SLC26A3: variants seen among roughly 807,000 people sequenced by gnomAD.
The protein encoded by SLC26A3 is solute carrier family 26 member 3.
SLC26A3 carries 64 observed loss-of-function variants against 85.6 expected under a neutral mutation model. The observed-to-expected ratio is 0.75, with a 90% CI of 0.61 to 0.92. SLC26A3 has a LOEUF of 0.92. SLC26A3 is among the 40% of genes least tolerant of loss of function. The pLI, the probability that SLC26A3 is intolerant of heterozygous loss-of-function variation, is 0.00. For missense variants in SLC26A3, 922 were observed against 927.3 expected, an observed-to-expected ratio of 0.99 and a Z score of 0.07; for synonymous variants, 349 against 336.0, an observed-to-expected ratio of 1.04 and a Z score of -0.42.
intron 7 of SLC26A3, 51 bp from the exon 8 acceptor site, chr7:107,786,960 T>C (rs1477093757): frequency 2.0e-6 from 3 of 1,474,318 alleles, no homozygotes; most frequent in South Asian, 2.3e-5. Flanking sequence ...CAAGTAAGAG[T>C]CTTGCTTTGA....
intron 1 of SLC26A3, among the ~76,000 whole-genome samples, chr7:107,798,169 C>G (rs1407725905): frequency 1.3e-5 from 2 of 151,698 alleles, no homozygotes; most frequent in Non-Finnish European, 2.9e-5. Flanking sequence ...CATAGACACA[C>G]ACATGAAGAC....
chr7:107,789,119 C>CTTT (rs72134999), intron 6 of SLC26A3, among the ~76,000 whole-genome samples: 263 of 128,244 alleles, frequency 2.1e-3, no homozygotes, highest in African/African-American at 7.5e-3. Flanking sequence ...TTTTCTTTTT[C>CTTT]TTTTTTTTTT....
chr7:107,789,177 C>T (rs1222972891), intron 6 of SLC26A3, among the ~76,000 whole-genome samples: 2 of 146,354 alleles, frequency 1.4e-5, no homozygotes, highest in African/African-American at 5.1e-5. Context: ...AGTGCAGTGG[C>T]GTGATCTCAA....
intron 1 of SLC26A3, among the ~76,000 whole-genome samples, chr7:107,796,479 T>C (rs974321682): frequency 6.6e-6 from 1 of 152,166 alleles, no homozygotes; most frequent in Non-Finnish European, 1.5e-5. Context: ...TTTTCTCTTT[T>C]GTTTCCATTC....
At chr7:107,778,327 A>C (rs567875596) in intron 12 of SLC26A3, 46 bp from the exon 13 acceptor site, 1 of 1,218,072 alleles carries the variant, frequency 8.2e-7, no homozygotes, top group Admixed American at 1.8e-5. Flanking sequence ...CTTTGATTAA[A>C]GTACAATGTC....
At chr7:107,774,899 G>A (rs762767321) in intron 15 of SLC26A3, 27 bp from the exon 16 acceptor site, 1 of 1,532,352 alleles carries the variant, frequency 6.5e-7, no homozygotes, top group Non-Finnish European at 9.0e-7. Flanking sequence ...TGTGTTACAA[G>A]AGTACTGAAT....
chr7:107,780,114 G>A (rs1053581299), intron 11 of SLC26A3, among the ~76,000 whole-genome samples: 2 of 151,718 alleles, frequency 1.3e-5, no homozygotes, highest in Admixed American at 1.3e-4. Flanking sequence ...AGCAGAGACA[G>A]TCTAATGTGT....
intron 11 of SLC26A3, among the ~76,000 whole-genome samples, chr7:107,779,973 G>C (rs1425060160): frequency 2.0e-5 from 3 of 152,036 alleles, no homozygotes; most frequent in Admixed American, 1.3e-4. Flanking sequence ...CCACAACAGT[G>C]ACAAGGCCTA....
chr7:107,801,963 G>T (rs922826622), intron 1 of SLC26A3, among the ~76,000 whole-genome samples: 1 of 151,032 alleles, frequency 6.6e-6, no homozygotes, highest in South Asian at 2.1e-4. Context: ...ACAGTGGAGC[G>T]TGCCTGTAGT....
In SLC26A3 at chr7:107,794,479, C is replaced by T; in HGVS notation, c.31G>A (p.Val11Met). The T allele has an allele frequency of 1.2e-6, 2 of 1,614,062 alleles. No individual in the cohort carries two copies. The highest frequency in any genetic ancestry group is 1.1e-5 in the South Asian group (1 of 91,078). ...TTTGTAGAATACACTGGCCTGGCCA[C>T]AATATACTGATTCCCAAAGGGTTCA... MIEPFGNQYI[V>M]ARPVYSTNAF... Residue 11 changes from valine to methionine, a missense_variant, in exon 2 of 21, where the codon GTG (valine) becomes ATG (methionine). By Grantham distance (21) the Val-to-Met change is conservative (BLOSUM62 1). Coordinates refer to ENST00000340010, the MANE Select transcript of SLC26A3 (RefSeq NM_000111.3).
At position 107,794,401 on chromosome 7, in the gene SLC26A3, C is replaced by T. The variant is rs768883226; in HGVS notation, c.109G>A (p.Asp37Asn). The part of the protein sequence containing the change: ...KTGRHHKTFL[D>N]HLKVCCSCSP... ...TACCTACAACACACTTTGAGATGATCCAGAAATGTCTTATGATGTCTTCCT... is the reference window on the plus strand; with the variant it reads ...TACCTACAACACACTTTGAGATGATTCAGAAATGTCTTATGATGTCTTCCT... The change falls in exon 2 of 21, where the codon GAT becomes AAT. Residue 37 changes from aspartate (D) to asparagine (N), a missense_variant. Asp to Asn is a conservative substitution (Grantham distance 23). Coordinates refer to ENST00000340010, the MANE Select transcript of SLC26A3 (RefSeq NM_000111.3). 3 of 1,613,906 alleles carry T rather than the reference C, an allele frequency of 1.9e-6. No homozygotes were observed. Among genetic ancestry groups the T allele is most frequent in the African/African-American group, 2.7e-5 (2 of 74,922 alleles).
chr7:107,786,618 A>G (rs1168079076), intron 8 of SLC26A3, among the ~76,000 whole-genome samples: 1 of 151,340 alleles, frequency 6.6e-6, no homozygotes, highest in Non-Finnish European at 1.5e-5. Context: ...GAGGCGAAAA[A>G]AAAAAAAAAA....
rs386833468 is a variant in SLC26A3, at chr7:107,793,835, T to TG, written c.177dup (p.Ile60HisfsTer11). The TG allele has an allele frequency of 1.2e-5, 19 of 1,614,122 alleles. No homozygotes were observed. The highest frequency in any genetic ancestry group is 1.6e-5 in the Non-Finnish European group (19 of 1,179,986). On this transcript the variant is annotated frameshift_variant, in exon 3 of 21. Transcript: ENST00000340010. LOFTEE classifies it high-confidence loss of function. ...CGGTATGCTGGCAACCAAGATGCTATGGGGAACAAAGAGAGGACAATTCTC... is the reference window on the plus strand; with the variant it reads ...CGGTATGCTGGCAACCAAGATGCTATGGGGGAACAAAGAGAGGACAATTCTC...
intron 1 of SLC26A3, among the ~76,000 whole-genome samples, chr7:107,797,232 G>T (rs570484763): frequency 6.6e-6 from 1 of 152,146 alleles, no homozygotes; most frequent in Admixed American, 6.5e-5. Context: ...GGTGGCTTAC[G>T]CCTGTAATCC....
chr7:107,767,581 C>A lies in SLC26A3; in HGVS notation c.2269G>T (p.Glu757Ter), dbSNP rs1438356683. The change falls in exon 20 of 21, where the codon GAG (glutamate) becomes TAG (stop). Residue 757 changes from glutamate to a stop codon, truncating the protein, a stop_gained and splice_region_variant. Transcript: ENST00000340010. LOFTEE classifies it high-confidence loss of function. ...TNGGLRNRVYEVPVETKF is the reference protein window; with the variant it reads ...TNGGLRNRVY Reference sequence around the variant, plus strand: ...ATAAACCTGTTGAAGAATCTTACCTCATATACCCGATTACGTAATCCTCCA... The same window carrying A: ...ATAAACCTGTTGAAGAATCTTACCTAATATACCCGATTACGTAATCCTCCA... The A allele has an allele frequency of 6.2e-7, 1 of 1,604,602 alleles. No individual in the cohort carries two copies. The highest frequency in any genetic ancestry group is 8.5e-7 in the Non-Finnish European group (1 of 1,172,108).
chr7:107,790,248 C>T (rs1444832188), intron 5 of SLC26A3, among the ~76,000 whole-genome samples: 3 of 152,112 alleles, frequency 2.0e-5, no homozygotes, highest in South Asian at 2.1e-4. Context: ...TCGAGTGAAT[C>T]GGATGGATTC....
At chr7:107,801,343 C>A (rs918432617) in intron 1 of SLC26A3, among the ~76,000 whole-genome samples, 1 of 147,986 alleles carries the variant, frequency 6.8e-6, no homozygotes, top group African/African-American at 2.6e-5. Flanking sequence ...AGGTGAGGCA[C>A]CATCAGGGTC....
chr7:107,765,565 C>A lies in SLC26A3; in HGVS notation c.*290G>T. ...GCGCCACTATACTGCTAAACCTATG[C>A]ATGAAGGTAGTGACTAGGATGGAAA... On this transcript the variant is annotated 3_prime_UTR_variant, in exon 21 of 21. Transcript: ENST00000340010. 2.7e-6 allele frequency: 1 copy of A among 368,788 alleles called. No homozygotes were observed. Among genetic ancestry groups the A allele is most frequent in the Non-Finnish European group, 4.9e-6 (1 of 202,410 alleles). 22.8% of individuals were successfully genotyped at this position (368,788 alleles called of 1,614,324 possible).
intron 5 of SLC26A3, among the ~76,000 whole-genome samples, chr7:107,790,454 G>A (rs1218112962): frequency 1.3e-5 from 2 of 152,060 alleles, no homozygotes; most frequent in Admixed American, 6.5e-5. Flanking sequence ...TTAAGAAATG[G>A]TCTTAACCAA....
Sources: gnomAD v4.1 joint callset for allele counts (sites outside exome capture counted in the v4.1 genomes callset) on GRCh38, gnomAD v4.1.1 for gene constraint, MANE v1.5 for transcripts, NCBI Gene and HGNC (gene_info 2026-07-23, HGNC 2026-07-21) for gene names.